SULT1B1: variants seen among roughly 807,000 people sequenced by gnomAD.
SULT1B1 encodes the protein sulfotransferase 1B1.
In SULT1B1, 28 loss-of-function variants were observed where a neutral mutation model predicts 34.6. That is an observed-to-expected ratio of 0.81 (90% CI 0.60 to 1.11). The LOEUF is 1.11. Among genes scored for constraint, SULT1B1 ranks in the 50% least tolerant of loss-of-function variants. SULT1B1 has a pLI of 0.00. For missense variants in SULT1B1, 374 were observed against 352.2 expected (o/e 1.06, Z -0.50); for synonymous variants, 147 against 110.2 (o/e 1.33, Z -2.09).
At chr4:69,747,011 G>C (rs2110027129) in intron 4 of SULT1B1, among the ~76,000 whole-genome samples, 1 of 152,256 alleles carries the variant, frequency 6.6e-6, no homozygotes, top group South Asian at 2.1e-4. Context: ...GTCTCTACGG[G>C]GCTAGAGCGA....
At chr4:69,749,609 A>G in intron 4 of SULT1B1, 112 bp downstream of exon 4, 4 of 704,468 alleles carry the variant, frequency 5.7e-6, no homozygotes, top group African/African-American at 3.6e-5. Context: ...TATAGTATAG[A>G]TTGTTGCAAG....
At chr4:69,727,229 G>A (rs775119685) in intron 7 of SULT1B1, 29 bp from the exon 8 acceptor site, 3 of 1,550,120 alleles carry the variant, frequency 1.9e-6, no homozygotes, top group Non-Finnish European at 2.6e-6. Context: ...ACATAGGAAA[G>A]AATAAAATAT....
intron 4 of SULT1B1, among the ~76,000 whole-genome samples, chr4:69,741,483 C>G (rs1366194270): frequency 6.6e-6 from 1 of 152,168 alleles, no homozygotes; most frequent in Non-Finnish European, 1.5e-5. Flanking sequence ...GCAGTATGGT[C>G]ATCTTAACAA....
intron 4 of SULT1B1, among the ~76,000 whole-genome samples, chr4:69,734,881 C>T (rs987152085): frequency 7.0e-6 from 1 of 143,228 alleles, no homozygotes; most frequent in East Asian, 2.0e-4. Flanking sequence ...TGCAGTGGTG[C>T]GATCTCAGCT....
intron 3 of SULT1B1, 53 bp from the exon 4 acceptor site, chr4:69,749,871 G>T (rs559560179): frequency 7.9e-6 from 11 of 1,386,790 alleles, no homozygotes; most frequent in South Asian, 1.2e-5. Context: ...GAAAGGCTAC[G>T]TTTCCTTATT....
chr4:69,742,987 C>T (rs1718609368), intron 4 of SULT1B1, among the ~76,000 whole-genome samples: 1 of 152,176 alleles, frequency 6.6e-6, no homozygotes, highest in Non-Finnish European at 1.5e-5. Flanking sequence ...TTGGAGACAC[C>T]AGGAACCACA....
In SULT1B1 at chr4:69,725,992, G is replaced by A. The variant is rs1717821455; in HGVS notation, c.*1096C>T. On this transcript the variant is annotated 3_prime_UTR_variant, in exon 8 of 8. Transcript: ENST00000310613. ...CATATATAACAAACCTGCACATTGT[G>A]CACATGTAACCTGGAACTTAAAGTA... is the stretch of plus-strand genomic sequence containing the variant. The A allele has an allele frequency of 7.6e-6, 1 of 130,806 alleles. No homozygotes were observed. Among genetic ancestry groups the A allele is most frequent in the African/African-American group, 2.8e-5 (1 of 35,490 alleles). The allele number at this position is 130,806 out of a possible 1,614,324, so 8.1% of individuals were successfully genotyped here.
intron 4 of SULT1B1, among the ~76,000 whole-genome samples, chr4:69,746,347 G>A (rs1421315693): frequency 6.6e-6 from 1 of 152,134 alleles, no homozygotes; most frequent in African/African-American, 2.4e-5. Context: ...ATTCCAGTGA[G>A]TCACAGGTTT....
rs561836878 is a variant in SULT1B1, at chr4:69,750,167, G to T, written c.278-349C>A. On this transcript the variant is annotated intron_variant, in intron 3 of 7. Transcript: ENST00000310613. ...TGGAGTTTTATTATACCTGTGCATT[G>T]CTATAAATGACTATTTAAATGTTTT... Among the ~76,000 whole-genome samples the T allele has an allele frequency of 2.6e-5, 4 of 152,044 alleles. No homozygotes were observed. In the South Asian group the frequency reaches 8.3e-4, roughly 31 times the overall value.
At chr4:69,746,352 A>T (rs1046237015) in intron 4 of SULT1B1, among the ~76,000 whole-genome samples, 5 of 152,158 alleles carry the variant, frequency 3.3e-5, no homozygotes, top group African/African-American at 7.2e-5. Flanking sequence ...AGTGAGTCAC[A>T]GGTTTGGTGT....
intron 1 of SULT1B1, among the ~76,000 whole-genome samples, chr4:69,756,289 A>G (rs1239630514): frequency 1.3e-5 from 2 of 151,636 alleles, no homozygotes; most frequent in East Asian, 3.9e-4. Flanking sequence ...ATGTCTGATA[A>G]TTTTTTATTG....
chr4:69,749,603 G>C, intron 4 of SULT1B1, 118 bp downstream of exon 4: 1 of 668,532 alleles, frequency 1.5e-6, no homozygotes. Context: ...AGTGGGTATA[G>C]TATAGATTGT....
intron 1 of SULT1B1, chr4:69,758,283 G>C (rs1719266460): frequency 1.0e-6 from 1 of 983,822 alleles, no homozygotes; most frequent in Non-Finnish European, 1.2e-6. Flanking sequence ...ATGAATGAAT[G>C]ATGAGATTTC....
At position 69,755,196 on chromosome 4, in the gene SULT1B1, G is replaced by A; in HGVS notation, c.22C>T (p.Leu8=). 1 of 1,613,616 alleles carries A rather than the reference G, an allele frequency of 6.2e-7. No individual in the cohort carries two copies. The highest frequency in any genetic ancestry group is 8.5e-7 in the Non-Finnish European group (1 of 1,179,586). MLSPKDI[L]RKDLKLVHGY... Reference sequence around the variant, plus strand: ...TGGACCAACTTCAGATCTTTTCGCAGAATATCTTTTGGGGAAAGCATTTTA... The same window carrying A: ...TGGACCAACTTCAGATCTTTTCGCAAAATATCTTTTGGGGAAAGCATTTTA... Residue 8 remains leucine, a synonymous_variant, in exon 2 of 8, where the codon CTG becomes TTG. Transcript: ENST00000310613.
Position 69,749,761 on chromosome 4 carries a change from G to T in SULT1B1, c.335C>A (p.Thr112Asn), listed in dbSNP as rs752617993. The change falls in exon 4 of 8, where the codon ACT (threonine) becomes AAT (asparagine). Residue 112 changes from threonine to asparagine, a missense_variant. Transcript: ENST00000310613. ...CCAGAAAGATTTAGGAAGAAGATCA[G>T]TCGGTAGATGTGTTTTCACAATCCG... The part of the protein sequence containing the change: ...SPRIVKTHLP[T>N]DLLPKSFWEN... 6.2e-7 allele frequency: 1 copy of T among 1,613,690 alleles called. No homozygotes were observed. The highest frequency in any genetic ancestry group is 2.2e-5 in the East Asian group (1 of 44,822).
At position 69,726,851 on chromosome 4, in the gene SULT1B1, C is replaced by T. The variant is rs1363218991; in HGVS notation, c.*237G>A. 3 of 370,734 alleles carry T rather than the reference C, an allele frequency of 8.1e-6. No individual in the cohort carries two copies. The highest frequency in any genetic ancestry group is 1.4e-5 in the Non-Finnish European group (3 of 208,102). The allele number at this position is 370,734 out of a possible 1,614,324, so 23.0% of individuals were successfully genotyped here. A position where few individuals can be genotyped will look rare whatever the true frequency, so the allele number is the denominator to read the frequency against. ...AAAAGGCAGGAAGAGCCTGTGGTTA[C>T]ATTGTTCCTTTGTTACAAAAAGTTA... On this transcript the variant is annotated 3_prime_UTR_variant, in exon 8 of 8. Coordinates refer to ENST00000310613, the MANE Select transcript of SULT1B1 (RefSeq NM_014465.4).
chr4:69,753,239 C>T (rs1338193833), intron 3 of SULT1B1, among the ~76,000 whole-genome samples: 2 of 152,142 alleles, frequency 1.3e-5, no homozygotes, highest in African/African-American at 4.8e-5. Context: ...CGAATGGTTC[C>T]ATAGTCCACT....
intron 7 of SULT1B1, 30 bp downstream of exon 7, chr4:69,730,471 A>G (rs771490791): frequency 1.9e-6 from 3 of 1,571,780 alleles, no homozygotes; most frequent in African/African-American, 2.7e-5. Context: ...GAAAGTACGA[A>G]AGGGAAATTA....
At chr4:69,748,327 C>G (rs1425755706) in intron 4 of SULT1B1, among the ~76,000 whole-genome samples, 5 of 152,042 alleles carry the variant, frequency 3.3e-5, no homozygotes, top group Admixed American at 3.3e-4. Flanking sequence ...GAAGATAAAG[C>G]AATTCTGAAT....
Sources: allele counts gnomAD v4.1 joint callset (sites outside exome capture counted in the v4.1 genomes callset), GRCh38; gene constraint gnomAD v4.1.1; transcripts MANE v1.5; gene names NCBI Gene and HGNC (gene_info 2026-07-23, HGNC 2026-07-21).